Variants in CPZ observed in about 807,000 individuals in gnomAD.
CPZ encodes the protein VEZT/CPZ fusion.
Under a neutral mutation model 61.8 loss-of-function variants are expected in CPZ, and 103 were observed. The ratio of observed to expected loss-of-function variants is 1.67; its 90% CI spans 1.42 to 1.96. The LOEUF (loss-of-function observed/expected upper bound fraction) is 1.96. CPZ is among the 30% of genes most tolerant of loss of function. The pLI is 0.00. For missense variants in CPZ, 1,461 were observed against 914.9 expected (o/e 1.60, Z -7.70); for synonymous variants, 551 against 373.7 (o/e 1.47, Z -5.47).
intron 8 of CPZ, among the ~76,000 whole-genome samples, chr4:8,612,881 C>T (rs571715676): frequency 6.6e-6 from 1 of 152,346 alleles, no homozygotes; most frequent in Non-Finnish European, 1.5e-5. Context: ...GCATCCCCTT[C>T]TGCCCCCTCT....
Position 8,601,277 on chromosome 4 carries a change from G to C in CPZ, c.276G>C (p.Gln92His). 6.2e-7 allele frequency: 1 copy of C among 1,613,602 alleles called. No individual in the cohort carries two copies. The highest frequency in any genetic ancestry group is 8.5e-7 in the Non-Finnish European group (1 of 1,179,894). ...LSVLHQLLEG[Q>H]CNPDLRLLGC... ...TTCTACACCAGCTCCTGGAAGGCCA[G>C]TGCAACCCGGACCTGCGGCTGCTGG... is the stretch of plus-strand genomic sequence containing the variant. Residue 92 changes from glutamine to histidine, a missense_variant, in exon 3 of 11, where the codon CAG becomes CAC. Gln to His is a conservative substitution (Grantham distance 24). Coordinates refer to ENST00000360986, the MANE Select transcript of CPZ (RefSeq NM_001014447.3).
intron 10 of CPZ, 61 bp downstream of exon 10, chr4:8,618,589 G>A (rs1716412875): frequency 9.2e-6 from 14 of 1,514,244 alleles, no homozygotes; most frequent in Non-Finnish European, 1.3e-5. Context: ...CCACACCGTG[G>A]CAGCCGGCAC....
chr4:8,594,463 T>G (rs904263102), intron 1 of CPZ, among the ~76,000 whole-genome samples: 2 of 152,160 alleles, frequency 1.3e-5, no homozygotes, highest in Non-Finnish European at 2.9e-5. Flanking sequence ...GGGATTCAGA[T>G]TCTGACTCCT....
At position 8,619,671 on chromosome 4, in the gene CPZ, C is replaced by T. The variant is rs543507589; in HGVS notation, c.*54C>T. ...GAGACCGAGGCCCATCTCCGCATCC[C>T]GGGCTCCTGGCTCTTGATTTTGTCT... On this transcript the variant is annotated 3_prime_UTR_variant, in exon 11 of 11. Coordinates refer to ENST00000360986, the MANE Select transcript of CPZ (RefSeq NM_001014447.3). 3.8e-5 allele frequency: 51 copies of T among 1,326,392 alleles called. No individual in the cohort carries two copies. Among genetic ancestry groups the T allele is most frequent in the South Asian group, 1.0e-4 (6 of 58,674 alleles). The allele number at this position is 1,326,392 out of a possible 1,614,324, so 82.2% of individuals were successfully genotyped here.
At chr4:8,609,825 G>A (rs1371489525) in intron 7 of CPZ, among the ~76,000 whole-genome samples, 1 of 152,214 alleles carries the variant, frequency 6.6e-6, no homozygotes, top group African/African-American at 2.4e-5. Flanking sequence ...GGCCGGCAGT[G>A]ATCTCTGGAA....
rs568723319 is a variant in CPZ at position 8,619,696 on chromosome 4, T to G, written c.*79T>G. On this transcript the variant is annotated 3_prime_UTR_variant, in exon 11 of 11. Coordinates refer to ENST00000360986, the MANE Select transcript of CPZ (RefSeq NM_001014447.3). Reference sequence around the variant, plus strand: ...CGGGCTCCTGGCTCTTGATTTTGTCTGCCACAGACATCCCACAAAGCCGCT... The same window carrying G: ...CGGGCTCCTGGCTCTTGATTTTGTCGGCCACAGACATCCCACAAAGCCGCT... 1.3e-5 allele frequency: 15 copies of G among 1,115,100 alleles called. No individual in the cohort carries two copies. In the African/African-American group the frequency reaches 2.1e-4, roughly 15 times the overall value. The allele number at this position is 1,115,100 out of a possible 1,614,324, so 69.1% of individuals were successfully genotyped here. A position where few individuals can be genotyped will look rare whatever the true frequency, so the allele number is the denominator to read the frequency against.
chr4:8,618,629 C>A, intron 10 of CPZ, 101 bp downstream of exon 10: 2 of 1,120,860 alleles, frequency 1.8e-6, no homozygotes, highest in South Asian at 1.4e-5. Context: ...GCCCAGCCCT[C>A]AGCAGGATGG....
At chr4:8,609,833 G>GA (rs1715500788) in intron 7 of CPZ, among the ~76,000 whole-genome samples, 1 of 152,224 alleles carries the variant, frequency 6.6e-6, no homozygotes, top group South Asian at 2.1e-4. Flanking sequence ...GTGATCTCTG[G>GA]AAACCAGGGT....
intron 6 of CPZ, 101 bp downstream of exon 6, chr4:8,606,999 C>T (rs1263337741): frequency 7.5e-7 from 1 of 1,330,482 alleles, no homozygotes. Context: ...GACAGGAGAG[C>T]CTGGTGCTCC....
At chr4:8,618,321 TCCC>T in intron 9 of CPZ, 105 bp from the exon 10 acceptor site, 3 of 1,026,696 alleles carry the variant, frequency 2.9e-6, no homozygotes, top group Non-Finnish European at 4.5e-6. Flanking sequence ...GTGGGGTAGT[TCCC>T]CCTAGATACC....
At chr4:8,601,593 C>A in intron 3 of CPZ, 96 bp downstream of exon 3, 3 of 1,274,030 alleles carry the variant, frequency 2.4e-6, no homozygotes, top group East Asian at 2.7e-5. Context: ...GCTTTTCCAT[C>A]GACAGTGACG....
Position 8,610,917 on chromosome 4 carries a change from C to T in CPZ, c.1228-1110C>T, listed in dbSNP as rs150077915. On this transcript the variant is annotated intron_variant, in intron 7 of 10. Coordinates refer to ENST00000360986, the MANE Select transcript of CPZ (RefSeq NM_001014447.3). ...ACCCCAAACCTCACGTCTGGGAGTC[C>T]GAGTCTCATGACCCCCACCAGGGAG... 6.4e-4 allele frequency among the ~76,000 whole-genome samples: 98 copies of T among 152,310 alleles called. No homozygotes were observed. In the South Asian group the frequency reaches 0.015, roughly 23 times the overall value.
At chr4:8,614,800 G>A (rs560683365) in intron 9 of CPZ, among the ~76,000 whole-genome samples, 180 of 152,244 alleles carry the variant, frequency 1.2e-3, no homozygotes, top group Non-Finnish European at 2.0e-3. Flanking sequence ...GCAGCCCGGC[G>A]AGGTGTCTGA....
chr4:8,611,082 GCTCATTCACTC>G (rs1715634175), intron 7 of CPZ: 1 of 362,272 alleles, frequency 2.8e-6, no homozygotes, highest in Non-Finnish European at 5.8e-6. Context: ...TCATTCATTC[GCTCATTCACTC>G]ACTCACTCAC....
At chr4:8,615,424 C>T (rs1185937629) in intron 9 of CPZ, among the ~76,000 whole-genome samples, 1 of 152,142 alleles carries the variant, frequency 6.6e-6, no homozygotes, top group Non-Finnish European at 1.5e-5. Flanking sequence ...ATTTTTTTCC[C>T]AAGCGTTTTC....
At chr4:8,616,290 G>C (rs1047365736) in intron 9 of CPZ, among the ~76,000 whole-genome samples, 8 of 152,128 alleles carry the variant, frequency 5.3e-5, no homozygotes, top group Non-Finnish European at 8.8e-5. Context: ...CGAGGGGAGG[G>C]GCGGCGTGGC....
At chr4:8,593,279 C>G (rs1391503069) in intron 1 of CPZ, among the ~76,000 whole-genome samples, 2 of 152,156 alleles carry the variant, frequency 1.3e-5, no homozygotes, top group African/African-American at 4.8e-5. Flanking sequence ...GAGAGGCCAT[C>G]TAAGGTCCCC....
At chr4:8,610,918 G>C (rs1002902390) in intron 7 of CPZ, among the ~76,000 whole-genome samples, 1 of 152,040 alleles carries the variant, frequency 6.6e-6, no homozygotes, top group Non-Finnish European at 1.5e-5. Flanking sequence ...CTGGGAGTCC[G>C]AGTCTCATGA....
intron 9 of CPZ, among the ~76,000 whole-genome samples, chr4:8,615,639 G>T (rs1454017989): frequency 6.6e-6 from 1 of 152,114 alleles, no homozygotes; most frequent in Non-Finnish European, 1.5e-5. Context: ...TTCTGGCCTG[G>T]GGTCTCTGGG....
Sources: gnomAD v4.1 joint callset for allele counts (sites outside exome capture counted in the v4.1 genomes callset) on GRCh38, gnomAD v4.1.1 for gene constraint, MANE v1.5 for transcripts, NCBI Gene and HGNC (gene_info 2026-07-23, HGNC 2026-07-21) for gene names.